ABCC8: variants seen among roughly 807,000 people sequenced by gnomAD.
ABCC8 encodes ATP binding cassette subfamily C member 8.
ABCC8 carries 137 observed loss-of-function variants against 188.0 expected under a neutral mutation model. The ratio of observed to expected loss-of-function variants is 0.73; its 90% CI spans 0.63 to 0.84. ABCC8 has a LOEUF of 0.84. ABCC8 is among the 40% of genes least tolerant of loss of function. The probability of loss-of-function intolerance (pLI) is 0.00; values close to 1 mark genes in which losing one functional copy is unlikely to be tolerated. For missense variants in ABCC8, 1,750 were observed against 2,072.7 expected, an observed-to-expected ratio of 0.84 and a Z score of 3.02; for synonymous variants, 797 against 846.5, an observed-to-expected ratio of 0.94 and a Z score of 1.01.
At chr11:17,476,033 T>C (rs1848748967) in intron 1 of ABCC8, among the ~76,000 whole-genome samples, 1 of 151,906 alleles carries the variant, frequency 6.6e-6, no homozygotes, top group Non-Finnish European at 1.5e-5. Flanking sequence ...TGGAGACACA[T>C]GCCCGGGTGG....
chr11:17,436,838 C>T (rs1020760762), intron 10 of ABCC8, among the ~76,000 whole-genome samples: 1 of 152,150 alleles, frequency 6.6e-6, no homozygotes, highest in African/African-American at 2.4e-5. Flanking sequence ...CCTGTAATCC[C>T]AGCACTCTGG....
At chr11:17,393,954 T>G (rs1953767393) in intron 37 of ABCC8, 195 bp from the exon 38 acceptor site, 2 of 704,012 alleles carry the variant, frequency 2.8e-6, no homozygotes, top group Non-Finnish European at 3.5e-6. Flanking sequence ...CTCAGCTCTG[T>G]GTGTGTATGT....
chr11:17,435,252 C>T (rs1293975443), intron 10 of ABCC8, among the ~76,000 whole-genome samples: 1 of 152,088 alleles, frequency 6.6e-6, no homozygotes, highest in Non-Finnish European at 1.5e-5. Flanking sequence ...CAGAATTGTC[C>T]TTTAAGCCAG....
chr11:17,397,541 C>T, intron 31 of ABCC8, 143 bp downstream of exon 31: 1 of 1,429,468 alleles, frequency 7.0e-7, no homozygotes, highest in East Asian at 2.5e-5. Flanking sequence ...GCTGGTCAGC[C>T]TTCCTGCCCG....
intron 38 of ABCC8, 105 bp from the exon 39 acceptor site, chr11:17,393,233 C>T: frequency 7.0e-7 from 1 of 1,422,326 alleles, no homozygotes; most frequent in South Asian, 1.2e-5. Flanking sequence ...GAGGATGAGG[C>T]ATGTGGCCAG....
At chr11:17,476,153 A>G (rs1591932439) in intron 1 of ABCC8, among the ~76,000 whole-genome samples, 1 of 152,082 alleles carries the variant, frequency 6.6e-6, no homozygotes, top group South Asian at 2.1e-4. Flanking sequence ...GCCCGGTGAA[A>G]GCATAGGGGT....
chr11:17,438,634 A>G (rs10832788), intron 10 of ABCC8, among the ~76,000 whole-genome samples: 69,593 of 152,086 alleles, frequency 0.46, 17,255 homozygotes, highest in African/African-American at 0.66. Context: ...TGCTGCTTCC[A>G]CAAGGAAAAA....
chr11:17,434,374 A>G (rs184492711), intron 10 of ABCC8, among the ~76,000 whole-genome samples: 129 of 152,372 alleles, frequency 8.5e-4, no homozygotes, highest in African/African-American at 2.9e-3. Context: ...AGAGCCACAC[A>G]GAAGTTCAGA....
Position 17,393,072 on chromosome 11 carries a change from G to A in ABCC8, c.4665C>T (p.Ala1555=). ...ADLVIVLKRG[A]ILEFDKPEKL... ...TCTCTGGCTTATCGAACTCAAGGAT[G>A]GCACCCCGCTTCAGGACGATCACCA... The change falls in exon 39 of 39, where the codon GCC becomes GCT. Residue 1555 remains alanine (A), a synonymous_variant. Transcript: ENST00000389817. 1.2e-6 allele frequency: 2 copies of A among 1,614,124 alleles called. No individual in the cohort carries two copies. The highest frequency in any genetic ancestry group is 1.7e-6 in the Non-Finnish European group (2 of 1,180,040).
chr11:17,448,490 T>C, intron 8 of ABCC8, 26 bp downstream of exon 8: 1 of 1,606,460 alleles, frequency 6.2e-7, no homozygotes, highest in Non-Finnish European at 8.5e-7. Flanking sequence ...GCTGCCCCCC[T>C]CCCTTCCCCT....
intron 31 of ABCC8, 72 bp from the exon 32 acceptor site, chr11:17,397,385 TC>T: frequency 1.9e-6 from 3 of 1,598,916 alleles, no homozygotes; most frequent in Non-Finnish European, 2.5e-6. Flanking sequence ...GAATGGCTCT[TC>T]TTAAGGCTGG....
Position 17,470,167 on chromosome 11 carries a change from C to T in ABCC8, c.346G>A (p.Ala116Thr). ...TAGTAGACCACGGAGGTGACAGCAG[C>T]CATGAACGCCATCCCGGCTGGCATG... ...LYMPAGMAFM[A>T]AVTSVVYYHN... Residue 116 changes from alanine to threonine, a missense_variant, in exon 3 of 39, where the codon GCT becomes ACT. Ala to Thr is a moderately conservative substitution (Grantham distance 58). Transcript: ENST00000389817. The T allele has an allele frequency of 6.2e-7, 1 of 1,614,144 alleles. No individual in the cohort carries two copies. The highest frequency in any genetic ancestry group is 1.1e-5 in the South Asian group (1 of 91,080).
chr11:17,453,281 T>C lies in ABCC8; in HGVS notation c.1014A>G (p.Thr338=), dbSNP rs760714521. 3 of 1,613,722 alleles carry C rather than the reference T, an allele frequency of 1.9e-6. No homozygotes were observed. The highest frequency in any genetic ancestry group is 1.7e-5 in the Admixed American group (1 of 59,994). The change falls in exon 7 of 39, where the codon ACA becomes ACG. Residue 338 remains threonine, a splice_region_variant and synonymous_variant. Coordinates refer to ENST00000389817, the MANE Select transcript of ABCC8 (RefSeq NM_000352.6). ...AGACAAAGTAAACCCCGAGAAATTGTGTCTGTTGGAAAGAGAAGTTCAGAG... is the reference window on the plus strand; with the variant it reads ...AGACAAAGTAAACCCCGAGAAATTGCGTCTGTTGGAAAGAGAAGTTCAGAG... ...GKENDVFQPK[T]QFLGVYFVSS... is the part of the protein sequence containing the mutation.
intron 22 of ABCC8, 39 bp downstream of exon 22, chr11:17,410,477 C>T: frequency 1.9e-6 from 3 of 1,609,712 alleles, no homozygotes; most frequent in Non-Finnish European, 2.6e-6. Context: ...GCCTCCCCAG[C>T]CCTGCCCCCT....
chr11:17,397,437 T>C (rs1388994670), intron 31 of ABCC8, 124 bp from the exon 32 acceptor site: 1 of 1,544,386 alleles, frequency 6.5e-7, no homozygotes, highest in Non-Finnish European at 8.7e-7. Flanking sequence ...TGCCATCCAC[T>C]GCCTGCTCAG....
rs201240787 is a variant in ABCC8, at chr11:17,427,149, G to A, written c.2122C>T (p.Leu708=). The A allele has an allele frequency of 1.9e-6, 3 of 1,612,862 alleles. No homozygotes were observed. The highest frequency in any genetic ancestry group is 2.5e-6 in the Non-Finnish European group (3 of 1,179,494). The part of the protein sequence containing the change: ...NITIRIPRGQ[L]TMIVGQVGCG... ...CCCACCTGCCCCACGATCATAGTCAGCTGGCCTGCAGGGAGGGAGGGTGGC... is the reference window on the plus strand; with the variant it reads ...CCCACCTGCCCCACGATCATAGTCAACTGGCCTGCAGGGAGGGAGGGTGGC... The change falls in exon 16 of 39, where the codon CTG becomes TTG. Residue 708 remains leucine, a synonymous_variant. Transcript: ENST00000389817. This position sits in a 1 kb window ranked among gnomAD's most constrained non-coding sequence, Gnocchi z 5.0.
chr11:17,469,678 C>G (rs1245890060), intron 3 of ABCC8, among the ~76,000 whole-genome samples: 1 of 152,204 alleles, frequency 6.6e-6, no homozygotes, highest in Non-Finnish European at 1.5e-5. Flanking sequence ...CACTCTTCCC[C>G]TTGCTCATTT....
rs1324242791 is a variant in ABCC8, at chr11:17,397,049, G to A, written c.3989-3C>T. 4 of 1,614,142 alleles carry A rather than the reference G, an allele frequency of 2.5e-6. No homozygotes were observed. The highest frequency in any genetic ancestry group is 2.5e-6 in the Non-Finnish European group (3 of 1,180,008). ...GTTCTTTGGGATCAGCGATGGTGCT[G>A]GGGGCCGGGCTGGGCTCAGCCACCA... On this transcript the variant is annotated splice_polypyrimidine_tract_variant and splice_region_variant and intron_variant, in intron 32 of 38. Coordinates refer to ENST00000389817, the MANE Select transcript of ABCC8 (RefSeq NM_000352.6).
intron 29 of ABCC8, among the ~76,000 whole-genome samples, chr11:17,400,111 G>A (rs1212271821): frequency 6.6e-6 from 1 of 152,216 alleles, no homozygotes; most frequent in African/African-American, 2.4e-5. Flanking sequence ...CTGGGCATTT[G>A]CTTTTCACCC....
Sources: allele counts gnomAD v4.1 joint callset (sites outside exome capture counted in the v4.1 genomes callset), GRCh38; gene constraint gnomAD v4.1.1; non-coding constraint Gnocchi (gnomAD v3.1); transcripts MANE v1.5; gene names NCBI Gene and HGNC (gene_info 2026-07-23, HGNC 2026-07-21).